Variants in MYRFL observed in about 807,000 individuals in gnomAD.
MYRFL encodes the protein myelin regulatory factor like, also known as myelin regulatory factor-like protein.
Under a neutral mutation model 109.4 loss-of-function variants are expected in MYRFL, and 88 were observed. The observed-to-expected ratio is 0.80, with a 90% CI of 0.68 to 0.96. The LOEUF (loss-of-function observed/expected upper bound fraction) is 0.96. Among genes scored for constraint, MYRFL ranks in the 40% least tolerant of loss-of-function variants. The pLI is 0.00. For synonymous variants in MYRFL, 324 were observed against 320.9 expected (o/e 1.01, Z -0.10); for missense variants, 957 against 954.9 (o/e 1.00, Z -0.03).
At chr12:69,937,533 A>C (rs1211417647) in intron 19 of MYRFL, among the ~76,000 whole-genome samples, 1 of 152,240 alleles carries the variant, frequency 6.6e-6, no homozygotes, top group Non-Finnish European at 1.5e-5. Context: ...TTATTTCCAC[A>C]GTCTCCGTAG....
chr12:69,953,928 T>C (rs1956042286), intron 21 of MYRFL, among the ~76,000 whole-genome samples: 1 of 152,190 alleles, frequency 6.6e-6, no homozygotes, highest in African/African-American at 2.4e-5. Context: ...TTTTCCAACC[T>C]GATATAACCT....
intron 19 of MYRFL, among the ~76,000 whole-genome samples, chr12:69,947,812 C>T (rs565186360): frequency 5.9e-4 from 90 of 152,212 alleles, no homozygotes; most frequent in Non-Finnish European, 7.2e-4. Context: ...GTGCATGAGT[C>T]TGGTTCAGTG....
Position 69,890,988 on chromosome 12 carries a change from G to A in MYRFL, c.725G>A (p.Arg242Gln), listed in dbSNP as rs747194048. The A allele has an allele frequency of 6.0e-5, 91 of 1,524,312 alleles. No homozygotes were observed. In the Middle Eastern group the frequency reaches 1.0e-3, roughly 17 times the overall value. 94.4% of individuals were successfully genotyped at this position (1,524,312 alleles called of 1,614,324 possible). The stretch of plus-strand genomic sequence containing the variant: ...TTTCATAGACCTGATGTGGGCTATC[G>A]AGTTGTAACAGACAAAGGATTTAAT... ...HYEKLPDVGY[R>Q]VVTDKGFNFS... Residue 242 changes from arginine to glutamine, a missense_variant, in exon 7 of 25, where the codon CGA becomes CAA. Coordinates refer to ENST00000552032, the MANE Select transcript of MYRFL (RefSeq NM_182530.3).
chr12:69,905,881 C>G (rs74101381), intron 11 of MYRFL, among the ~76,000 whole-genome samples: 3,708 of 152,244 alleles, frequency 0.024, 158 homozygotes, highest in African/African-American at 0.084. Context: ...ATGCTGATGA[C>G]AGATGTGTGA....
At chr12:69,956,122 T>C (rs1292369782) in intron 22 of MYRFL, among the ~76,000 whole-genome samples, 1 of 151,984 alleles carries the variant, frequency 6.6e-6, no homozygotes, top group African/African-American at 2.4e-5. Flanking sequence ...CCCTCCCAGG[T>C]TGGTTTTTTT....
At chr12:69,953,743 T>A (rs1318294857) in intron 21 of MYRFL, among the ~76,000 whole-genome samples, 1 of 148,832 alleles carries the variant, frequency 6.7e-6, no homozygotes, top group Non-Finnish European at 1.5e-5. Flanking sequence ...TACTCCAGCC[T>A]GGATGACAAA....
At chr12:69,887,391 G>T (rs1385636821) in intron 6 of MYRFL, among the ~76,000 whole-genome samples, 2 of 152,174 alleles carry the variant, frequency 1.3e-5, no homozygotes, top group Non-Finnish European at 2.9e-5. Flanking sequence ...TGCTGTGAAT[G>T]AATATTACCA....
chr12:69,834,171 G>A (rs960720294), intron 1 of MYRFL, among the ~76,000 whole-genome samples: 5 of 152,112 alleles, frequency 3.3e-5, no homozygotes, highest in African/African-American at 1.2e-4. Flanking sequence ...GTAATTTTGG[G>A]TAATCTGACT....
chr12:69,930,804 CCTAT>C (rs1205271393), intron 15 of MYRFL, among the ~76,000 whole-genome samples: 4 of 127,086 alleles, frequency 3.1e-5, no homozygotes, highest in Admixed American at 8.2e-5. Context: ...AAAGCAAGAC[CCTAT>C]CTAAGAAAAA....
intron 22 of MYRFL, among the ~76,000 whole-genome samples, chr12:69,957,135 T>C (rs1956115757): frequency 6.6e-6 from 1 of 152,228 alleles, no homozygotes; most frequent in Admixed American, 6.5e-5. Flanking sequence ...TGATGATTAA[T>C]GGGGCCAACC....
intron 1 of MYRFL, among the ~76,000 whole-genome samples, chr12:69,846,936 C>T (rs1213613908): frequency 1.3e-5 from 2 of 152,010 alleles, no homozygotes; most frequent in African/African-American, 4.8e-5. Flanking sequence ...ATTTGCATTT[C>T]TCTGATGGCC....
At position 69,870,802 on chromosome 12, in the gene MYRFL, T is replaced by G. The variant is rs575322373; in HGVS notation, c.138-8226T>G. The stretch of plus-strand genomic sequence containing the variant: ...ACTCTAAAGACAGCATTTAATATTT[T>G]AAAATCTTCATCTTAAAACCACCAA... On this transcript the variant is annotated intron_variant, in intron 2 of 24. Transcript: ENST00000552032. Among the ~76,000 whole-genome samples the G allele has an allele frequency of 2.6e-5, 4 of 152,340 alleles. No homozygotes were observed. In the South Asian group the frequency reaches 6.2e-4, roughly 24 times the overall value.
chr12:69,883,304 G>A (rs1303307931), intron 5 of MYRFL, among the ~76,000 whole-genome samples: 2 of 152,172 alleles, frequency 1.3e-5, no homozygotes, highest in Non-Finnish European at 2.9e-5. Flanking sequence ...ATCTACTAAA[G>A]CATGTCCTGC....
chr12:69,927,723 G>C lies in MYRFL; in HGVS notation c.1805G>C (p.Arg602Thr). ...SRAVSASSPR[R>T]AVHKKNNKVY... The stretch of plus-strand genomic sequence containing the variant: ...GCCGTTAGTGCATCTTCTCCAAGAA[G>C]GGCCGTTCATAAAAAAAACAACAAG... The change falls in exon 15 of 25, where the codon AGG (arginine) becomes ACG (threonine). Residue 602 changes from arginine to threonine, a missense_variant. By Grantham distance (71) the Arg-to-Thr change is moderately conservative. Coordinates refer to ENST00000552032, the MANE Select transcript of MYRFL (RefSeq NM_182530.3). 1.3e-6 allele frequency: 2 copies of C among 1,533,128 alleles called. No homozygotes were observed. The highest frequency in any genetic ancestry group is 1.7e-6 in the Non-Finnish European group (2 of 1,146,234). 95.0% of individuals were successfully genotyped at this position (1,533,128 alleles called of 1,614,324 possible). A position where few individuals can be genotyped will look rare whatever the true frequency, so the allele number is the denominator to read the frequency against.
Position 69,951,984 on chromosome 12 carries a change from G to T in MYRFL, c.2225-129G>T, listed in dbSNP as rs560764893. The T allele has an allele frequency of 2.2e-4, 151 of 696,920 alleles. 6 individuals are homozygous for T. In the South Asian group the frequency reaches 2.7e-3, roughly 12 times the overall value. The allele number at this position is 696,920 out of a possible 1,614,324, so 43.2% of individuals were successfully genotyped here. Reference sequence around the variant, plus strand: ...ATAAGAAACAGGATAGAGATTAGATGAGTTGAAGGATGGGAGACAGAAAGG... The same window carrying T: ...ATAAGAAACAGGATAGAGATTAGATTAGTTGAAGGATGGGAGACAGAAAGG... On this transcript the variant is annotated intron_variant, in intron 19 of 24. Transcript: ENST00000552032.
intron 1 of MYRFL, among the ~76,000 whole-genome samples, chr12:69,837,854 C>G (rs1229561088): frequency 6.6e-6 from 1 of 152,160 alleles, no homozygotes; most frequent in Admixed American, 6.5e-5. Flanking sequence ...GTAATGAATG[C>G]CTTTTTTCCG....
intron 19 of MYRFL, among the ~76,000 whole-genome samples, chr12:69,944,887 G>C (rs1257052309): frequency 1.3e-5 from 2 of 151,900 alleles, no homozygotes; most frequent in Admixed American, 6.6e-5. Context: ...TTTTAAAAAA[G>C]TGATGGATAT....
At position 69,895,397 on chromosome 12, in the gene MYRFL, C is replaced by T. The variant is rs1269832577; in HGVS notation, c.1007C>T (p.Thr336Ile). 6.5e-7 allele frequency: 1 copy of T among 1,535,168 alleles called. No individual in the cohort carries two copies. The highest frequency in any genetic ancestry group is 1.7e-4 in the Middle Eastern group (1 of 5,982). ...ATTGACCTACTGGCTGACCAGGTCA[C>T]CAAAGTAACACTGGGACGATTACAC... The part of the protein sequence containing the change: ...VKIDLLADQV[T>I]KVTLGRLHFS... Residue 336 changes from threonine to isoleucine, a missense_variant, in exon 9 of 25, where the codon ACC becomes ATC. Physicochemically the swap from Thr to Ile is moderately conservative, Grantham distance 89. Coordinates refer to ENST00000552032, the MANE Select transcript of MYRFL (RefSeq NM_182530.3).
At chr12:69,899,986 T>G (rs955889402) in intron 10 of MYRFL, among the ~76,000 whole-genome samples, 2 of 152,186 alleles carry the variant, frequency 1.3e-5, no homozygotes, top group African/African-American at 4.8e-5. Context: ...AGCCCCACTT[T>G]CCTTCTAAAA....
Sources: gnomAD v4.1 joint callset for allele counts (sites outside exome capture counted in the v4.1 genomes callset) on GRCh38, gnomAD v4.1.1 for gene constraint, MANE v1.5 for transcripts, NCBI Gene and HGNC (gene_info 2026-07-23, HGNC 2026-07-21) for gene names.